The following GLB1 variants were observed in gnomAD, a reference collection of about 807,000 sequenced individuals.
GLB1 encodes the protein beta-galactosidase.
GLB1 carries 56 observed loss-of-function variants against 74.0 expected under a neutral mutation model. That is an observed-to-expected ratio of 0.76 (90% CI 0.61 to 0.94). The LOEUF is 0.94. Ranked by LOEUF, GLB1 falls within the 40% of genes least tolerant of loss-of-function variation. The pLI, the probability that GLB1 is intolerant of heterozygous loss-of-function variation, is 0.00. For synonymous variants in GLB1, 323 were observed against 323.6 expected, an observed-to-expected ratio of 1.00 and a Z score of 0.02; for missense variants, 787 against 845.5, an observed-to-expected ratio of 0.93 and a Z score of 0.86.
At chr3:32,991,711 G>A (rs1314668609), downstream of GLB1, among the ~76,000 whole-genome samples, 1 of 152,208 alleles carries the variant, frequency 6.6e-6, no homozygotes, top group Non-Finnish European at 1.5e-5. Flanking sequence ...AAGACCACTT[G>A]TAGATGCTCT....
intron 1 of GLB1, 182 bp downstream of exon 1, chr3:33,096,828 GC>G (rs1363090775): frequency 1.0e-5 from 14 of 1,367,924 alleles, no homozygotes; most frequent in Admixed American, 4.0e-5. Context: ...GCCCCGCCCG[GC>G]CCGCCCCCGA....
intron 1 of GLB1, chr3:33,092,710 G>A: frequency 2.0e-6 from 3 of 1,468,456 alleles, no homozygotes; most frequent in Non-Finnish European, 2.7e-6. Flanking sequence ...TCAGGCTTGT[G>A]ACCAAGGGTG....
At chr3:32,971,552 A>G in the GLB1 span, among the ~76,000 whole-genome samples, 3 of 152,164 alleles carry the variant, frequency 2.0e-5, no homozygotes, top group African/African-American at 7.2e-5. Flanking sequence ...CCACAAGATA[A>G]CTTCACTTCG....
At chr3:32,961,425 T>G in the GLB1 span, among the ~76,000 whole-genome samples, 2 of 152,104 alleles carry the variant, frequency 1.3e-5, no homozygotes, top group Non-Finnish European at 2.9e-5. Flanking sequence ...CACAGTGAGG[T>G]GCAGGAAGAG....
chr3:33,003,729 C>G (rs982718762), intron 15 of GLB1, among the ~76,000 whole-genome samples: 2 of 152,286 alleles, frequency 1.3e-5, no homozygotes, highest in Non-Finnish European at 1.5e-5. Flanking sequence ...GTGGGTCCCT[C>G]TATCAAGAAG....
intron 15 of GLB1, among the ~76,000 whole-genome samples, chr3:33,009,145 AT>A (rs1696912181): frequency 6.6e-6 from 1 of 151,294 alleles, no homozygotes; most frequent in Non-Finnish European, 1.5e-5. Flanking sequence ...AAATAAATAA[AT>A]AAATAAATAA....
intron 14 of GLB1, among the ~76,000 whole-genome samples, chr3:33,015,441 A>C (rs79289679): frequency 0.069 from 10,503 of 152,250 alleles, 527 homozygotes; most frequent in East Asian, 0.24. Flanking sequence ...TGTTCCACAC[A>C]GGCCAGGGCT....
chr3:32,985,895 A>G, the GLB1 span, among the ~76,000 whole-genome samples: 3 of 152,066 alleles, frequency 2.0e-5, no homozygotes, highest in Non-Finnish European at 4.4e-5. Context: ...ATTTTTTATT[A>G]GAGACAGGGT....
chr3:33,060,923 A>C (rs1019156599), intron 5 of GLB1, among the ~76,000 whole-genome samples: 1 of 152,160 alleles, frequency 6.6e-6, no homozygotes, highest in African/African-American at 2.4e-5. Context: ...GGCATCTAGT[A>C]AGTGCTCAAA....
chr3:33,080,038 G>C (rs72856173), intron 1 of GLB1, among the ~76,000 whole-genome samples: 7,766 of 151,694 alleles, frequency 0.051, 323 homozygotes, highest in African/African-American at 0.12. Context: ...CCCACCTCAC[G>C]ATCGCAAAGT....
intron 1 of GLB1, chr3:33,094,124 C>G: frequency 6.2e-7 from 1 of 1,614,144 alleles, no homozygotes; most frequent in Non-Finnish European, 8.5e-7. Flanking sequence ...GGGAGGCGAT[C>G]ATGGACACGA....
Position 33,014,056 on chromosome 3 carries a change from C to A in GLB1, c.1734G>T (p.Lys578Asn). ...DTFIQFPGWT[K>N]GQVWINGFNL... ...AAACCCTTCCCATGAAGACACGTAC[C>A]TTGGTCCATCCAGGAAACTGGATAA... is the stretch of plus-strand genomic sequence containing the variant. The change falls in exon 15 of 16, where the codon AAG (lysine) becomes AAT (asparagine). Residue 578 changes from lysine (K) to asparagine (N), a missense_variant and splice_region_variant. Lys to Asn is a moderately conservative substitution (Grantham distance 94). Transcript: ENST00000307363. 6.2e-7 allele frequency: 1 copy of A among 1,614,220 alleles called. No homozygotes were observed.
the GLB1 span, among the ~76,000 whole-genome samples, chr3:32,991,288 T>C: frequency 6.6e-6 from 1 of 152,210 alleles, no homozygotes; most frequent in Non-Finnish European, 1.5e-5. Context: ...ACAGGCTAAA[T>C]GAACCACTTA....
chr3:33,068,447 A>T (rs1002333299), intron 3 of GLB1, among the ~76,000 whole-genome samples, 157 bp from the exon 4 acceptor site: 1 of 152,256 alleles, frequency 6.6e-6, no homozygotes, highest in Non-Finnish European at 1.5e-5. Flanking sequence ...CAGAGAAATT[A>T]GAAATTGGAA....
At chr3:33,030,523 G>T (rs1348276428) in intron 10 of GLB1, 2 of 985,326 alleles carry the variant, frequency 2.0e-6, no homozygotes, top group Non-Finnish European at 2.4e-6. Flanking sequence ...GCAAGAGACA[G>T]CTGTGTCTGC....
intron 1 of GLB1, chr3:33,096,655 C>T: frequency 9.0e-7 from 1 of 1,116,934 alleles, no homozygotes; most frequent in South Asian, 2.7e-5. Context: ...CCGGAGGCAC[C>T]CTCTAACCCG....
chr3:32,980,231 T>C, the GLB1 span, among the ~76,000 whole-genome samples: 1 of 152,230 alleles, frequency 6.6e-6, no homozygotes, highest in Non-Finnish European at 1.5e-5. Context: ...TTAAATTTTT[T>C]TTAAAATACA....
At position 33,097,013 on chromosome 3, in the gene GLB1, G is replaced by C. The variant is rs1477141050; in HGVS notation, c.73C>G (p.Arg25Gly). 1.9e-6 allele frequency: 3 copies of C among 1,611,506 alleles called. No individual in the cohort carries two copies. Among genetic ancestry groups the C allele is most frequent in the Non-Finnish European group, 2.5e-6 (3 of 1,178,724 alleles). Residue 25 changes from arginine (R) to glycine (G), a missense_variant and splice_region_variant, in exon 1 of 16, where the codon CGC becomes GGC. Coordinates refer to ENST00000307363, the MANE Select transcript of GLB1 (RefSeq NM_000404.4). ...LLLLGPTRGL[R>G]NATQRMFEID... Reference sequence around the variant, plus strand: ...GTACCCGGGTCCCGCAGACTTACGCGCAAGCCGCGCGTAGGGCCCAGAAGC... The same window carrying C: ...GTACCCGGGTCCCGCAGACTTACGCCCAAGCCGCGCGTAGGGCCCAGAAGC...
intron 15 of GLB1, among the ~76,000 whole-genome samples, chr3:33,003,487 C>T (rs1696660663): frequency 6.6e-6 from 1 of 152,146 alleles, no homozygotes; most frequent in Non-Finnish European, 1.5e-5. Flanking sequence ...AGTTTTGTTG[C>T]TAAATTAACA....
Sources: allele counts gnomAD v4.1 joint callset (sites outside exome capture counted in the v4.1 genomes callset), GRCh38; gene constraint gnomAD v4.1.1; transcripts MANE v1.5; gene names NCBI Gene and HGNC (gene_info 2026-07-23, HGNC 2026-07-21).